Variants in RBM23 observed in about 807,000 individuals in gnomAD.
The protein encoded by RBM23 is probable RNA-binding protein 23.
RBM23 carries 53 observed loss-of-function variants against 56.2 expected under a neutral mutation model. The ratio of observed to expected loss-of-function variants is 0.94; its 90% confidence interval spans 0.76 to 1.19. The LOEUF is 1.19. Ranked by LOEUF, RBM23 falls within the 50% of genes most tolerant of loss-of-function variation. The probability of loss-of-function intolerance (pLI) is 0.00; values close to 1 mark genes in which losing one functional copy is unlikely to be tolerated. For missense variants in RBM23, 642 were observed against 590.3 expected (o/e 1.09, Z -0.91); for synonymous variants, 197 against 198.5 (o/e 0.99, Z 0.06).
rs139218972 is a variant in RBM23 at position 22,912,905 on chromosome 14, C to T, written c.-10-1502G>A. ...GGCCCAGCTACTCGGGAGGCTGAGG[C>T]AGGAGTATCACTTGAACCCAGGAGG... On this transcript the variant is annotated intron_variant, in intron 1 of 13. Transcript: ENST00000359890. Among the ~76,000 whole-genome samples the T allele has an allele frequency of 4.9e-3, 661 of 136,276 alleles. 5 individuals carry two copies. The highest frequency in any genetic ancestry group is 0.017 in the African/African-American group (608 of 35,682). The allele number at this position is 136,276 out of a possible 152,430, so 89.4% of individuals were successfully genotyped here.
rs964268593 is a variant in RBM23, at chr14:22,898,485, C to T, written c.*3245G>A. ...CTGGGCCCAGAGTCTGTTCACAGCC[C>T]GCTTCTCTCCACTCTAACCACCTCG... On this transcript the variant is annotated 3_prime_UTR_variant, in exon 14 of 14. Transcript: ENST00000359890. 6 of 151,998 alleles carry T rather than the reference C, an allele frequency of 3.9e-5. No homozygotes were observed. Among genetic ancestry groups the T allele is most frequent in the East Asian group, 1.9e-4 (1 of 5,176 alleles). The allele number at this position is 151,998 out of a possible 1,614,324, so 9.4% of individuals were successfully genotyped here. A position where few individuals can be genotyped will look rare whatever the true frequency, so the allele number is the denominator to read the frequency against.
rs2138848370 is a variant in RBM23 at position 22,897,280 on chromosome 14, A to T, written c.*4450T>A. On this transcript the variant is annotated 3_prime_UTR_variant, in exon 14 of 14. Transcript: ENST00000359890. ...CCATCAAGTAATGGAGTTTTCAATA[A>T]AATAATTTTTATTGCAATTATTTTA... The T allele has an allele frequency of 6.6e-6, 1 of 152,348 alleles. No homozygotes were observed. The highest frequency in any genetic ancestry group is 2.1e-4 in the South Asian group (1 of 4,824). The allele number at this position is 152,348 out of a possible 1,614,324, so 9.4% of individuals were successfully genotyped here. A position where few individuals can be genotyped will look rare whatever the true frequency, so the allele number is the denominator to read the frequency against.
intron 10 of RBM23, chr14:22,902,685 C>A: frequency 9.6e-7 from 1 of 1,036,664 alleles, no homozygotes. Flanking sequence ...ATGGGTATAT[C>A]AAATGGAAGA....
rs1178317980 is a variant in RBM23 at position 22,894,564 on chromosome 14, C to T, written c.*7166G>A. On this transcript the variant is annotated 3_prime_UTR_variant, in exon 14 of 14. Coordinates refer to ENST00000359890, the MANE Select transcript of RBM23 (RefSeq NM_001077351.2). Reference sequence around the variant, plus strand: ...ACCCTATTTCTACTAAAAAAAATTACAAAAATTAGCCAGGCATGGTGGTGG... The same window carrying T: ...ACCCTATTTCTACTAAAAAAAATTATAAAAATTAGCCAGGCATGGTGGTGG... The T allele has an allele frequency of 3.3e-5, 5 of 151,458 alleles. No homozygotes were observed. Among genetic ancestry groups the T allele is most frequent in the Admixed American group, 3.3e-4 (5 of 15,188 alleles). The allele number at this position is 151,458 out of a possible 1,614,324, so 9.4% of individuals were successfully genotyped here.
chr14:22,904,001 A>G (rs2041074537), intron 10 of RBM23: 8 of 1,411,040 alleles, frequency 5.7e-6, no homozygotes, highest in South Asian at 1.4e-5. Flanking sequence ...TTACCCAAAG[A>G]GCCAAGTTGC....
At chr14:22,906,165 A>G in intron 5 of RBM23, 30 bp downstream of exon 5, 21 of 1,611,480 alleles carry the variant, frequency 1.3e-5, no homozygotes, top group Non-Finnish European at 1.7e-5. Flanking sequence ...ATTATTATAC[A>G]AAAGTGAATC....
At chr14:22,910,072 G>A (rs924671438) in intron 2 of RBM23, among the ~76,000 whole-genome samples, 1 of 143,800 alleles carries the variant, frequency 7.0e-6, no homozygotes, top group Admixed American at 7.3e-5. Context: ...AGAATCATTT[G>A]AATCTGGGAG....
chr14:22,905,782 G>A (rs1013179492), intron 5 of RBM23, 123 bp from the exon 6 acceptor site: 14 of 785,076 alleles, frequency 1.8e-5, no homozygotes, highest in East Asian at 8.0e-5. Context: ...CAGGGTTTCC[G>A]CTGTCACCCA....
At chr14:22,907,748 A>G (rs919359334) in intron 4 of RBM23, among the ~76,000 whole-genome samples, 7 of 152,348 alleles carry the variant, frequency 4.6e-5, no homozygotes, top group South Asian at 4.1e-4. Context: ...AGGTGCTCCT[A>G]AAGAAAGCAC....
chr14:22,904,171 C>T (rs761962896), intron 10 of RBM23, 90 bp downstream of exon 10: 2 of 1,605,502 alleles, frequency 1.2e-6, no homozygotes, highest in African/African-American at 1.3e-5. Context: ...TTAGACAGTT[C>T]CTAAAGGAGG....
At chr14:22,909,448 C>G in intron 3 of RBM23, 35 bp downstream of exon 3, 1 of 1,560,500 alleles carries the variant, frequency 6.4e-7, no homozygotes, top group Middle Eastern at 2.2e-4. Flanking sequence ...TTCCCTTCCC[C>G]AAGTTGCCAA....
rs1445771261 is a variant in RBM23, at chr14:22,902,054, G to GCGA, written c.1171_1172insTCG (p.Ala390_Ala391insVal). 32 of 1,612,484 alleles carry GCGA rather than the reference G, an allele frequency of 2.0e-5. No individual in the cohort carries two copies. Among genetic ancestry groups the GCGA allele is most frequent in the Non-Finnish European group, 2.7e-5 (32 of 1,179,032 alleles). On this transcript the variant is annotated inframe_insertion, in exon 12 of 14. Coordinates refer to ENST00000359890, the MANE Select transcript of RBM23 (RefSeq NM_001077351.2). Reference sequence around the variant, plus strand: ...TTGCAAGGCAGCAGCCTGGGCGGCGGCGGCAGCAGCAGCAGCAGCAGTGCT... The same window carrying GCGA: ...TTGCAAGGCAGCAGCCTGGGCGGCGGCGACGGCAGCAGCAGCAGCAGCAGTGCT...
At chr14:22,911,729 A>G (rs956909623) in intron 1 of RBM23, 2 of 160,920 alleles carry the variant, frequency 1.2e-5, no homozygotes, top group South Asian at 1.7e-4. Flanking sequence ...CCTGGCCAAC[A>G]TGGCGAAACC....
At chr14:22,907,148 T>C (rs1050592995) in intron 4 of RBM23, among the ~76,000 whole-genome samples, 3 of 151,800 alleles carry the variant, frequency 2.0e-5, no homozygotes, top group African/African-American at 4.8e-5. Context: ...CACTCCATCC[T>C]GGGCAACAGA....
intron 1 of RBM23, chr14:22,917,716 G>A (rs1171500043): frequency 1.3e-5 from 2 of 152,214 alleles, no homozygotes; most frequent in Middle Eastern, 3.4e-3. Flanking sequence ...GGCCCAGGTT[G>A]GTAGTTTTCA....
rs1191047040 is a variant in RBM23 at position 22,906,175 on chromosome 14, C to CAAT, written c.401+19_401+20insATT. The CAAT allele has an allele frequency of 6.2e-7, 1 of 1,612,556 alleles. No individual in the cohort carries two copies. The highest frequency in any genetic ancestry group is 8.5e-7 in the Non-Finnish European group (1 of 1,178,692). On this transcript the variant is annotated intron_variant, in intron 5 of 13. Transcript: ENST00000359890. The stretch of plus-strand genomic sequence containing the variant: ...TCCAGATTATTATACAAAAGTGAAT[C>CAAT]TATTAGCAAAAAGTGATACCCAGTG...
chr14:22,909,898 AT>A (rs2042165442), intron 2 of RBM23, among the ~76,000 whole-genome samples: 2 of 152,098 alleles, frequency 1.3e-5, no homozygotes, highest in African/African-American at 4.8e-5. Context: ...CACGCCTGTA[AT>A]CCCAGCACTT....
At position 22,908,370 on chromosome 14, in the gene RBM23, T is replaced by G. The variant is rs748104918; in HGVS notation, c.190A>C (p.Ser64Arg). 7.1e-6 allele frequency: 11 copies of G among 1,548,842 alleles called. No individual in the cohort carries two copies. The highest frequency in any genetic ancestry group is 4.9e-5 in the East Asian group (2 of 40,930). ...TIGETSKKKR[S>R]RSHNKSRDRK... is the part of the protein sequence containing the mutation. ...TCCCTGCTTTTATTATGGCTCCGAC[T>G]CCTCTTCTTCCTGTGAAAGAGAGTA... The change falls in exon 4 of 14, where the codon AGT (serine) becomes CGT (arginine). Residue 64 changes from serine to arginine, a missense_variant. Coordinates refer to ENST00000359890, the MANE Select transcript of RBM23 (RefSeq NM_001077351.2).
Position 22,901,885 on chromosome 14 carries a change from T to C in RBM23, c.1247-2A>G. ...CAAGGTTCAGGGCTGGACTCAGAGC[T>C]AGAACAAAGACAGGCAGAGTGAGTG... On this transcript the variant is annotated splice_acceptor_variant, in intron 12 of 13. Coordinates refer to ENST00000359890, the MANE Select transcript of RBM23 (RefSeq NM_001077351.2). LOFTEE classifies it high-confidence loss of function. The C allele has an allele frequency of 6.2e-7, 1 of 1,614,174 alleles. No homozygotes were observed. Among genetic ancestry groups the C allele is most frequent in the South Asian group, 1.1e-5 (1 of 91,086 alleles).
Sources: gnomAD v4.1 joint callset for allele counts (sites outside exome capture counted in the v4.1 genomes callset) on GRCh38, gnomAD v4.1.1 for gene constraint, MANE v1.5 for transcripts, NCBI Gene and HGNC (gene_info 2026-07-23, HGNC 2026-07-21) for gene names.